Variants in PTPRD observed in about 807,000 individuals in gnomAD.
The protein encoded by PTPRD is receptor-type tyrosine-protein phosphatase delta.
In PTPRD, 34 loss-of-function variants were observed where a neutral mutation model predicts 214.5. The observed-to-expected ratio is 0.16, with a 90% confidence interval of 0.12 to 0.21. PTPRD has a LOEUF of 0.21. Ranked by LOEUF, PTPRD falls within the 10% of genes least tolerant of loss-of-function variation. The pLI is 1.00. For missense variants in PTPRD, 2,545 were observed against 2,398.7 expected, an observed-to-expected ratio of 1.06 and a Z score of -1.27; for synonymous variants, 1,128 against 845.7, an observed-to-expected ratio of 1.33 and a Z score of -5.79.
intron 9 of PTPRD, among the ~76,000 whole-genome samples, chr9:9,218,277 C>A (rs975735447): frequency 6.6e-6 from 1 of 152,148 alleles, no homozygotes; most frequent in Non-Finnish European, 1.5e-5. Context: ...CTATGCAACT[C>A]ATAGATCCGG....
chr9:9,724,654 A>C (rs752002901), intron 7 of PTPRD, among the ~76,000 whole-genome samples: 23 of 152,184 alleles, frequency 1.5e-4, no homozygotes, highest in Non-Finnish European at 3.1e-4. Flanking sequence ...CATTAGATCA[A>C]AATGTGAAGG....
chr9:9,510,108 A>C (rs1377645300), intron 8 of PTPRD, among the ~76,000 whole-genome samples: 1 of 151,640 alleles, frequency 6.6e-6, no homozygotes, highest in Admixed American at 6.6e-5. Flanking sequence ...GTATGGCCCT[A>C]CTTCCTACTG....
At chr9:9,162,062 A>G (rs1026208712) in intron 10 of PTPRD, among the ~76,000 whole-genome samples, 2 of 152,100 alleles carry the variant, frequency 1.3e-5, no homozygotes, top group African/African-American at 4.8e-5. Flanking sequence ...CAGCATTTAG[A>G]AGATCTTCAA....
At chr9:8,997,964 T>C (rs2099403356) in intron 11 of PTPRD, among the ~76,000 whole-genome samples, 1 of 152,044 alleles carries the variant, frequency 6.6e-6, no homozygotes, top group South Asian at 2.1e-4. Flanking sequence ...GCCCTAACTC[T>C]CTTTAATTCT....
chr9:9,162,048 G>A (rs1187272639), intron 10 of PTPRD, among the ~76,000 whole-genome samples: 1 of 151,846 alleles, frequency 6.6e-6, no homozygotes, highest in Non-Finnish European at 1.5e-5. Flanking sequence ...AAAACAACAA[G>A]GCCCAGCATT....
intron 5 of PTPRD, among the ~76,000 whole-genome samples, chr9:9,921,095 C>T (rs1277883633): frequency 2.0e-5 from 3 of 152,034 alleles, no homozygotes; most frequent in Non-Finnish European, 1.5e-5. Context: ...TTTTTGACTG[C>T]TTTTAATTAA....
chr9:9,899,877 C>A (rs184145257), intron 5 of PTPRD, among the ~76,000 whole-genome samples: 1 of 152,014 alleles, frequency 6.6e-6, no homozygotes, highest in African/African-American at 2.4e-5. Context: ...AGAAAAAAAT[C>A]CAGTCACTTG....
intron 8 of PTPRD, among the ~76,000 whole-genome samples, chr9:9,434,132 G>A (rs1046294186): frequency 1.1e-4 from 17 of 152,126 alleles, no homozygotes; most frequent in African/African-American, 4.1e-4. Flanking sequence ...TTTACCTATT[G>A]TAATATGAGT....
intron 7 of PTPRD, among the ~76,000 whole-genome samples, chr9:9,697,077 C>G (rs2097391028): frequency 6.6e-6 from 1 of 152,082 alleles, no homozygotes; most frequent in African/African-American, 2.4e-5. Context: ...AAATTGTACA[C>G]TTTAACTTCA....
At chr9:9,186,606 GTCTCTCTCTCTCTCTCTGTCTCTCCCTC>G (rs1416261728) in intron 9 of PTPRD, among the ~76,000 whole-genome samples, 2 of 131,352 alleles carry the variant, frequency 1.5e-5, no homozygotes, top group Admixed American at 7.7e-5. Context: ...ACAAGACTCT[GTCTCTCTCTCTCTCTCTGTCTCTCCCTC>G]TCTCTCTCTC....
chr9:9,876,907 A>G (rs13296358), intron 5 of PTPRD, among the ~76,000 whole-genome samples: 2,900 of 152,340 alleles, frequency 0.019, 45 homozygotes, highest in Non-Finnish European at 0.032. Flanking sequence ...TTCGTGTCAC[A>G]TCAAATACAT....
At chr9:9,417,398 G>C (rs1339671225) in intron 8 of PTPRD, among the ~76,000 whole-genome samples, 1 of 152,012 alleles carries the variant, frequency 6.6e-6, no homozygotes, top group Non-Finnish European at 1.5e-5. Context: ...AAAAACCTTA[G>C]AGGTTTGTGT....
chr9:8,835,833 T>G (rs2097407429), intron 11 of PTPRD, among the ~76,000 whole-genome samples: 1 of 152,164 alleles, frequency 6.6e-6, no homozygotes, highest in African/African-American at 2.4e-5. Flanking sequence ...CCACTTCACC[T>G]GGCAATTTTA....
intron 12 of PTPRD, among the ~76,000 whole-genome samples, chr9:8,659,269 G>C (rs1450105710): frequency 1.3e-5 from 2 of 152,188 alleles, no homozygotes; most frequent in East Asian, 1.9e-4. Flanking sequence ...TTGGCTGCAA[G>C]AATCTCAGGA....
At chr9:9,602,599 C>T (rs577369594) in intron 7 of PTPRD, among the ~76,000 whole-genome samples, 1 of 151,862 alleles carries the variant, frequency 6.6e-6, no homozygotes, top group Non-Finnish European at 1.5e-5. Flanking sequence ...CATTATATTC[C>T]TTTTTATTTT....
At chr9:10,593,407 G>A (rs1007804785) in intron 2 of PTPRD, among the ~76,000 whole-genome samples, 2 of 152,024 alleles carry the variant, frequency 1.3e-5, no homozygotes, top group East Asian at 3.9e-4. Flanking sequence ...GACATTACTA[G>A]AAGCCTCAAA....
intron 10 of PTPRD, among the ~76,000 whole-genome samples, chr9:9,179,017 A>C (rs1329747690): frequency 6.6e-6 from 1 of 152,092 alleles, no homozygotes; most frequent in African/African-American, 2.4e-5. Flanking sequence ...GTAACTAAAA[A>C]CAGGCTCACT....
chr9:8,629,445 G>A (rs1158589434), intron 14 of PTPRD, among the ~76,000 whole-genome samples: 1 of 151,772 alleles, frequency 6.6e-6, no homozygotes, highest in African/African-American at 2.4e-5. Context: ...ATTGTGACCA[G>A]CAAACTAACG....
intron 3 of PTPRD, among the ~76,000 whole-genome samples, chr9:10,222,051 AGAAGT>A (rs2099573050): frequency 6.6e-6 from 1 of 152,082 alleles, no homozygotes; most frequent in Admixed American, 6.6e-5. Flanking sequence ...TTCAGGTTAC[AGAAGT>A]GTAAATTACC....
Sources: gnomAD v4.1 joint callset for allele counts (sites outside exome capture counted in the v4.1 genomes callset) on GRCh38, gnomAD v4.1.1 for gene constraint, MANE v1.5 for transcripts, NCBI Gene and HGNC (gene_info 2026-07-23, HGNC 2026-07-21) for gene names.